The following CENPM variants were observed in gnomAD, a reference collection of about 807,000 sequenced individuals.
CENPM encodes centromere protein M.
In CENPM, 14 loss-of-function variants were observed where a neutral mutation model predicts 19.6. The observed-to-expected ratio is 0.71, with a 90% CI of 0.47 to 1.11. The LOEUF (loss-of-function observed/expected upper bound fraction) is 1.11. Ranked by LOEUF, CENPM falls within the 50% of genes most tolerant of loss-of-function variation. The pLI, the probability that CENPM is intolerant of heterozygous loss-of-function variation, is 0.00. For missense variants in CENPM, 239 were observed against 228.4 expected (o/e 1.05, Z -0.30); for synonymous variants, 114 against 101.5 (o/e 1.12, Z -0.74).
intron 1 of CENPM, 38 bp downstream of exon 1, chr22:41,946,982 G>GA: frequency 3.1e-6 from 5 of 1,608,678 alleles, no homozygotes; most frequent in Non-Finnish European, 3.4e-6. Context: ...CGCCCAGGAG[G>GA]AAAAACCGGC....
intron 5 of CENPM, among the ~76,000 whole-genome samples, chr22:41,939,514 T>C (rs1431435139): frequency 6.6e-6 from 1 of 152,148 alleles, no homozygotes; most frequent in Non-Finnish European, 1.5e-5. Context: ...ACTCCAGAGC[T>C]GAGCTCTGAA....
In CENPM at chr22:41,945,231, T is replaced by C; in HGVS notation, c.304A>G (p.Thr102Ala). Residue 102 changes from threonine (T) to alanine (A), a missense_variant, in exon 4 of 6, where the codon ACA (threonine) becomes GCA (alanine). Physicochemically the swap from Thr to Ala is moderately conservative, Grantham distance 58. Coordinates refer to ENST00000215980, the MANE Select transcript of CENPM (RefSeq NM_024053.5). ...FFLGKVCFLA[T>A]GAGRESHCSI... ...AGGCGAGGAACGTACTTACCACCTG[T>C]GGCGAGGAAACACACCTTCCCCAAG... The C allele has an allele frequency of 6.2e-7, 1 of 1,613,922 alleles. No individual in the cohort carries two copies. Among genetic ancestry groups the C allele is most frequent in the African/African-American group, 1.3e-5 (1 of 74,950 alleles).
chr22:41,935,875 T>C (rs1320504428), downstream of CENPM, among the ~76,000 whole-genome samples: 5 of 94,606 alleles, frequency 5.3e-5, no homozygotes, highest in African/African-American at 1.6e-4. Context: ...TGCCCAAATC[T>C]TTTTTTTTTT....
chr22:41,936,849 A>G (rs946622609), downstream of CENPM, among the ~76,000 whole-genome samples: 4 of 152,102 alleles, frequency 2.6e-5, no homozygotes, highest in African/African-American at 9.7e-5. Context: ...AATCACTTGA[A>G]CCAGGGAGCA....
chr22:41,929,518 C>G, the CENPM span, among the ~76,000 whole-genome samples: 1 of 152,192 alleles, frequency 6.6e-6, no homozygotes. Context: ...ACTGGCTGCT[C>G]TGACCCCCAG....
chr22:41,927,311 G>T, the CENPM span, among the ~76,000 whole-genome samples: 1 of 152,068 alleles, frequency 6.6e-6, no homozygotes, highest in Non-Finnish European at 1.5e-5. Flanking sequence ...AGGTGTCTGG[G>T]GGCAGACCAG....
At chr22:41,946,573 T>G (rs139523108) in intron 1 of CENPM, 77 bp from the exon 2 acceptor site, 1 of 1,224,964 alleles carries the variant, frequency 8.2e-7, no homozygotes, top group African/African-American at 1.5e-5. Context: ...TTCGACCCAC[T>G]CCCGGGGGGA....
intron 5 of CENPM, 58 bp downstream of exon 5, chr22:41,943,552 T>C: frequency 1.3e-6 from 2 of 1,482,506 alleles, no homozygotes; most frequent in East Asian, 2.3e-5. Flanking sequence ...CACTGTGTGC[T>C]GACCACCCTT....
At chr22:41,939,737 G>A (rs567644617) in intron 5 of CENPM, among the ~76,000 whole-genome samples, 15 of 102,298 alleles carry the variant, frequency 1.5e-4, no homozygotes, top group South Asian at 3.7e-4. Context: ...TTCTAGACAC[G>A]TCCGCTGGAA....
Position 41,938,955 on chromosome 22 carries a change from G to A in CENPM, c.*101C>T. The A allele has an allele frequency of 6.8e-7, 1 of 1,473,152 alleles. No individual in the cohort carries two copies. Among genetic ancestry groups the A allele is most frequent in the Non-Finnish European group, 9.2e-7 (1 of 1,087,008 alleles). The allele number at this position is 1,473,152 out of a possible 1,614,324, so 91.3% of individuals were successfully genotyped here. A position where few individuals can be genotyped will look rare whatever the true frequency, so the allele number is the denominator to read the frequency against. On this transcript the variant is annotated 3_prime_UTR_variant, in exon 6 of 6. Coordinates refer to ENST00000215980, the MANE Select transcript of CENPM (RefSeq NM_024053.5). ...GGAACCTTCCCAGCCACGGCGGGCT[G>A]AGCCTGGGCCTGTCAAGCCCTGACT...
At chr22:41,927,213 C>A in the CENPM span, among the ~76,000 whole-genome samples, 3 of 152,142 alleles carry the variant, frequency 2.0e-5, no homozygotes, top group Non-Finnish European at 2.9e-5. Context: ...AGCCACCGCA[C>A]CCGGCCTGGC....
intron 5 of CENPM, among the ~76,000 whole-genome samples, chr22:41,940,895 C>T (rs932866403): frequency 3.9e-5 from 6 of 152,160 alleles, no homozygotes; most frequent in African/African-American, 1.4e-4. Context: ...GGCCAGGCTT[C>T]CTCCAATCCA....
At position 41,939,472 on chromosome 22, in the gene CENPM, C is replaced by T. The variant is rs566795578; in HGVS notation, c.403-276G>A. On this transcript the variant is annotated intron_variant, in intron 5 of 5. Coordinates refer to ENST00000215980, the MANE Select transcript of CENPM (RefSeq NM_024053.5). ...GAAGGCTTAACAAGGCTGGCTAGGT[C>T]GAACAAACTGTCTAGGGTCACCCAG... Among the ~76,000 whole-genome samples the T allele has an allele frequency of 2.8e-4, 43 of 152,266 alleles. No homozygotes were observed. The South Asian group carries it at 2.9e-3, about 10-fold the overall frequency.
chr22:41,930,165 TCTC>T, the CENPM span, among the ~76,000 whole-genome samples: 74 of 150,790 alleles, frequency 4.9e-4, 4 homozygotes, highest in Admixed American at 4.2e-3. Context: ...ATGGTCTTGA[TCTC>T]CTCACCTCGA....
intron 5 of CENPM, among the ~76,000 whole-genome samples, chr22:41,942,566 C>T (rs916926123): frequency 9.2e-5 from 14 of 151,884 alleles, no homozygotes; most frequent in African/African-American, 1.5e-4. Flanking sequence ...CTGGCTAACA[C>T]GGTGAAACCC....
chr22:41,934,214 T>TGC (rs1211795939), downstream of CENPM, among the ~76,000 whole-genome samples: 2 of 152,184 alleles, frequency 1.3e-5, no homozygotes. Flanking sequence ...AGGAAGGTCC[T>TGC]GCCTCCTTGG....
rs35542507 is a variant in CENPM, at chr22:41,945,930, A to G, written c.213T>C (p.Asn71=). The G allele has an allele frequency of 0.075, 120,214 of 1,613,434 alleles. 4,750 individuals carry two copies. The highest frequency in any genetic ancestry group is 0.081 in the Non-Finnish European group (95,005 of 1,179,530). The part of the protein sequence containing the change: ...PRIDLIVFVV[N]LHSKYSLQNT... ...GCTCTCACCTGTATTTGCTGTGAAG[A>G]TTAACCACAAACACGATCAGGTCAA... The change falls in exon 3 of 6, where the codon AAT becomes AAC. Residue 71 remains asparagine, a synonymous_variant. Coordinates refer to ENST00000215980, the MANE Select transcript of CENPM (RefSeq NM_024053.5).
chr22:41,931,922 C>A, the CENPM span, among the ~76,000 whole-genome samples: 1 of 152,218 alleles, frequency 6.6e-6, no homozygotes, highest in Non-Finnish European at 1.5e-5. Flanking sequence ...GCAGTAGTAC[C>A]TGAACACGTG....
At chr22:41,935,424 C>T (rs912728119), downstream of CENPM, among the ~76,000 whole-genome samples, 4 of 152,156 alleles carry the variant, frequency 2.6e-5, no homozygotes, top group African/African-American at 9.7e-5. Context: ...CTACTCTACC[C>T]TCCAGTTACC....
Sources: allele counts gnomAD v4.1 joint callset (sites outside exome capture counted in the v4.1 genomes callset), GRCh38; gene constraint gnomAD v4.1.1; transcripts MANE v1.5; gene names NCBI Gene and HGNC (gene_info 2026-07-23, HGNC 2026-07-21).